The following PTPRS variants were observed in gnomAD, a reference collection of about 807,000 sequenced individuals.
The protein encoded by PTPRS is receptor-type tyrosine-protein phosphatase S.
Under a neutral mutation model 215.3 loss-of-function variants are expected in PTPRS, and 63 were observed. The observed-to-expected ratio is 0.29, with a 90% CI of 0.24 to 0.36. The LOEUF (loss-of-function observed/expected upper bound fraction) is 0.36. Among genes scored for constraint, PTPRS ranks in the 10% least tolerant of loss-of-function variants. PTPRS has a pLI of 1.00. For synonymous variants in PTPRS, 1,404 were observed against 1,191.4 expected (o/e 1.18, Z -3.68); for missense variants, 2,258 against 2,825.8 (o/e 0.80, Z 4.56).
Position 5,221,163 on chromosome 19 carries a change from C to A in PTPRS, c.3292G>T (p.Val1098Leu). 6.2e-7 allele frequency: 1 copy of A among 1,613,716 alleles called. No individual in the cohort carries two copies. The highest frequency in any genetic ancestry group is 8.5e-7 in the Non-Finnish European group (1 of 1,179,984). ...AGGCTGCTGCCGCGATTGGTCAGCA[C>A]AAAGTTGTAGAAGGTGTGGGGCTTG... ...HLKPHTFYNF[V>L]LTNRGSSLGG... The change falls in exon 20 of 38, where the codon GTG (valine) becomes TTG (leucine). Residue 1098 changes from valine (V) to leucine (L), a missense_variant. Transcript: ENST00000262963.
chr19:5,276,806 T>C (rs909476334), intron 2 of PTPRS, among the ~76,000 whole-genome samples: 1 of 152,100 alleles, frequency 6.6e-6, no homozygotes, highest in African/African-American at 2.4e-5. Context: ...TCTCCCAAAG[T>C]GCTGGGATTA....
chr19:5,257,967 G>T lies in PTPRS; in HGVS notation c.706+50C>A. 6.7e-7 allele frequency: 1 copy of T among 1,488,324 alleles called. No individual in the cohort carries two copies. The allele number at this position is 1,488,324 out of a possible 1,614,324, so 92.2% of individuals were successfully genotyped here. A position where few individuals can be genotyped will look rare whatever the true frequency, so the allele number is the denominator to read the frequency against. ...GGCGGTGAGCCCGAGGAGGGAGGGG[G>T]ATGGGACGGGGCGGGTCCCTGCCTT... On this transcript the variant is annotated intron_variant, in intron 8 of 37. Transcript: ENST00000262963. This position sits in a 1 kb window ranked among gnomAD's most constrained non-coding sequence, Gnocchi z 4.4.
chr19:5,283,811 T>G (rs1348610094), intron 2 of PTPRS, among the ~76,000 whole-genome samples: 1 of 151,360 alleles, frequency 6.6e-6, no homozygotes, highest in African/African-American at 2.4e-5. Flanking sequence ...AGTGGCTCAC[T>G]CTTGTAATCC....
chr19:5,273,404 C>T, intron 4 of PTPRS, 38 bp downstream of exon 4: 1 of 1,613,576 alleles, frequency 6.2e-7, no homozygotes, highest in South Asian at 1.1e-5. Flanking sequence ...AAGCCCAGGG[C>T]CCAGTTTATC....
chr19:5,298,622 G>C (rs1045312751), intron 1 of PTPRS, among the ~76,000 whole-genome samples: 2 of 152,190 alleles, frequency 1.3e-5, no homozygotes, highest in Non-Finnish European at 2.9e-5. Flanking sequence ...AACCAGCCAG[G>C]AGCCCGCCTC....
intron 1 of PTPRS, among the ~76,000 whole-genome samples, chr19:5,297,065 G>A (rs984558213): frequency 2.0e-5 from 3 of 148,182 alleles, no homozygotes; most frequent in African/African-American, 4.8e-5. Context: ...GGTTAAGGGT[G>A]GCCACCTCCA....
chr19:5,270,846 T>C (rs546260013), intron 4 of PTPRS, among the ~76,000 whole-genome samples: 1 of 152,288 alleles, frequency 6.6e-6, no homozygotes, highest in South Asian at 2.1e-4. Context: ...GGTTTCACCA[T>C]GTTGGCCAGG....
rs1335459927 is a variant in PTPRS, at chr19:5,340,798, G to A, written c.-229C>T. The A allele has an allele frequency of 2.7e-5, 4 of 149,130 alleles. No individual in the cohort carries two copies. Among genetic ancestry groups the A allele is most frequent in the Non-Finnish European group, 6.0e-5 (4 of 67,016 alleles). The allele number at this position is 149,130 out of a possible 1,614,324, so 9.2% of individuals were successfully genotyped here. A position where few individuals can be genotyped will look rare whatever the true frequency, so the allele number is the denominator to read the frequency against. ...CCGGCCGGGCTGCCGGGCGGGCGGC[G>A]CGAGGACACTCACTGCGGCTCGCGC... On this transcript the variant is annotated 5_prime_UTR_variant, in exon 1 of 38. Transcript: ENST00000262963.
intron 1 of PTPRS, among the ~76,000 whole-genome samples, chr19:5,317,109 C>A (rs2049897968): frequency 6.6e-6 from 1 of 152,194 alleles, no homozygotes; most frequent in African/African-American, 2.4e-5. Context: ...TTAGGAAGAA[C>A]CACTCTACCC....
intron 23 of PTPRS, 192 bp from the exon 24 acceptor site, chr19:5,218,990 C>G: frequency 1.5e-6 from 1 of 671,126 alleles, no homozygotes; most frequent in Non-Finnish European, 2.5e-6. Flanking sequence ...GGAGGCTTAT[C>G]TCAGCCCTGG....
intron 1 of PTPRS, among the ~76,000 whole-genome samples, chr19:5,302,693 G>A (rs1410376232): frequency 1.3e-5 from 2 of 152,156 alleles, no homozygotes; most frequent in South Asian, 2.1e-4. Flanking sequence ...TGCAGCTCTG[G>A]GCTGCCGGAT....
At position 5,273,524 on chromosome 19, in the gene PTPRS, C is replaced by T. The variant is rs148551618; in HGVS notation, c.297G>A (p.Pro99=). 531 of 1,614,064 alleles carry T rather than the reference C, an allele frequency of 3.3e-4. 2 individuals are homozygous for T. The highest frequency in any genetic ancestry group is 3.3e-4 in the Middle Eastern group (2 of 6,084). ...AVLRIQPLRT[P]RDENVYECVA... is the part of the protein sequence containing the mutation. ...CACACTCGTACACGTTTTCATCCCG[C>T]GGTGTCCTCAGCGGCTGGATCCTCA... Residue 99 remains proline, a synonymous_variant, in exon 4 of 38, where the codon CCG becomes CCA. Coordinates refer to ENST00000262963, the MANE Select transcript of PTPRS (RefSeq NM_002850.4).
In PTPRS at chr19:5,282,157, G is replaced by A. The variant is rs375698237; in HGVS notation, c.91+3893C>T. ...GGTGTGTGGTGACCCTTGAGAAAAC[G>A]GAGCTCCCAACATCACTGCCTGCTC... is the stretch of plus-strand genomic sequence containing the variant. On this transcript the variant is annotated intron_variant, in intron 2 of 37. Transcript: ENST00000262963. Among the ~76,000 whole-genome samples, 19 of 152,046 alleles carry A rather than the reference G, an allele frequency of 1.2e-4. No individual in the cohort carries two copies. The East Asian group carries it at 2.7e-3, about 22-fold the overall frequency.
At position 5,231,601 on chromosome 19, in the gene PTPRS, G is replaced by C; in HGVS notation, c.1864C>G (p.Pro622Ala). Reference sequence around the variant, plus strand: ...ACGCTGACACATTTAACGTCTTGAGGGGGGGCTGACGGTTCTATTGGAGGG... The same window carrying C: ...ACGCTGACACATTTAACGTCTTGAGCGGGGGCTGACGGTTCTATTGGAGGG... ...RTLQSKPSAPPQDVKCVSVRS... is the reference protein window; with the variant it reads ...RTLQSKPSAPAQDVKCVSVRS... Residue 622 changes from proline to alanine, a missense_variant, in exon 14 of 38, where the codon CCT (proline) becomes GCT (alanine). Coordinates refer to ENST00000262963, the MANE Select transcript of PTPRS (RefSeq NM_002850.4). 1 of 1,499,504 alleles carries C rather than the reference G, an allele frequency of 6.7e-7. No individual in the cohort carries two copies. Among genetic ancestry groups the C allele is most frequent in the Non-Finnish European group, 8.9e-7 (1 of 1,122,096 alleles). 92.9% of individuals were successfully genotyped at this position (1,499,504 alleles called of 1,614,324 possible).
chr19:5,299,032 T>C lies in PTPRS; in HGVS notation c.-94-12798A>G, dbSNP rs893366326. Among the ~76,000 whole-genome samples, 8 of 152,268 alleles carry C rather than the reference T, an allele frequency of 5.3e-5. No individual in the cohort carries two copies. The South Asian group carries it at 1.7e-3, about 32-fold the overall frequency. On this transcript the variant is annotated intron_variant, in intron 1 of 37. Transcript: ENST00000262963. ...CTTCCCAACCCATCCAGCCTGATCA[T>C]TGCCTGCTCGGACCAGCACAGTCAC...
chr19:5,219,231 T>G (rs1307593749), intron 23 of PTPRS, 79 bp downstream of exon 23: 2 of 1,561,616 alleles, frequency 1.3e-6, no homozygotes, highest in African/African-American at 2.7e-5. Context: ...TAGTGATGAT[T>G]CTCTGAGACA....
chr19:5,298,343 T>G (rs1023817185), intron 1 of PTPRS, among the ~76,000 whole-genome samples: 1 of 152,090 alleles, frequency 6.6e-6, no homozygotes, highest in Non-Finnish European at 1.5e-5. Flanking sequence ...CTTTAAACCT[T>G]CCCTGATGGG....
chr19:5,326,004 G>A (rs1342367414), intron 1 of PTPRS, among the ~76,000 whole-genome samples: 2 of 152,216 alleles, frequency 1.3e-5, no homozygotes, highest in East Asian at 1.9e-4. Context: ...GCTGGGGCAG[G>A]CAGATCACTT....
At position 5,294,583 on chromosome 19, in the gene PTPRS, CACGG is replaced by C; in HGVS notation, c.-94-8353_-94-8350del. 1 of 152,186 alleles carries C rather than the reference CACGG, an allele frequency of 6.6e-6. No homozygotes were observed. The highest frequency in any genetic ancestry group is 2.4e-5 in the African/African-American group (1 of 41,430). 9.4% of individuals were successfully genotyped at this position (152,186 alleles called of 1,614,324 possible). On this transcript the variant is annotated intron_variant, in intron 1 of 37. Coordinates refer to ENST00000262963, the MANE Select transcript of PTPRS (RefSeq NM_002850.4). This position sits in a 1 kb window ranked among gnomAD's most constrained non-coding sequence, Gnocchi z 5.1. ...AGCCCAGCAGAAACAATTCCGCTCCCACGGCTCCCGTCCATGCCCTCCCACTGCT... is the reference window on the plus strand; with the variant it reads ...AGCCCAGCAGAAACAATTCCGCTCCCCTCCCGTCCATGCCCTCCCACTGCT...
Sources: allele counts gnomAD v4.1 joint callset (sites outside exome capture counted in the v4.1 genomes callset), GRCh38; gene constraint gnomAD v4.1.1; non-coding constraint Gnocchi (gnomAD v3.1); transcripts MANE v1.5; gene names NCBI Gene and HGNC (gene_info 2026-07-23, HGNC 2026-07-21).